The following MCF2L variants were observed in gnomAD, a reference collection of about 807,000 sequenced individuals.
MCF2L encodes MCF.2 cell line derived transforming sequence like, also known as guanine nucleotide exchange factor DBS.
A neutral mutation model predicts 153.4 loss-of-function variants in MCF2L; 97 were observed. The ratio of observed to expected loss-of-function variants is 0.63; its 90% CI spans 0.54 to 0.75. The LOEUF (loss-of-function observed/expected upper bound fraction) is 0.75. Among genes scored for constraint, MCF2L ranks in the 30% least tolerant of loss-of-function variants. The probability of loss-of-function intolerance (pLI) is 0.00; values close to 1 mark genes in which losing one functional copy is unlikely to be tolerated. For synonymous variants in MCF2L, 659 were observed against 632.2 expected, an observed-to-expected ratio of 1.04 and a Z score of -0.64; for missense variants, 1,347 against 1,495.2, an observed-to-expected ratio of 0.90 and a Z score of 1.64.
At chr13:113,084,850 C>CCGTCCCT (rs753454895) in intron 18 of MCF2L, 42 bp from the exon 19 acceptor site, 1 of 1,471,940 alleles carries the variant, frequency 6.8e-7, no homozygotes. Context: ...GATGCGCTGC[C>CCGTCCCT]CATCCCTCAC....
At chr13:113,033,230 G>A (rs112644617) in intron 3 of MCF2L, among the ~76,000 whole-genome samples, 27 of 98,170 alleles carry the variant, frequency 2.8e-4, no homozygotes, top group South Asian at 3.5e-4. Flanking sequence ...AGTGGCCCCC[G>A]TGACGTGAGT....
intron 1 of MCF2L, among the ~76,000 whole-genome samples, chr13:113,007,354 G>A (rs1225671065): frequency 6.6e-6 from 1 of 152,238 alleles, no homozygotes; most frequent in Non-Finnish European, 1.5e-5. Context: ...CTCAGACAGT[G>A]TGACCTTGAG....
chr13:113,000,379 G>A (rs936654898), intron 1 of MCF2L, among the ~76,000 whole-genome samples: 1 of 152,146 alleles, frequency 6.6e-6, no homozygotes, highest in Non-Finnish European at 1.5e-5. Context: ...TTGCAGAAGC[G>A]ACATTCCTGC....
upstream of MCF2L, chr13:112,965,311 C>T (rs1172536821): frequency 6.6e-6 from 1 of 152,266 alleles, no homozygotes; most frequent in Non-Finnish European, 1.5e-5. Flanking sequence ...CCCGTCACCA[C>T]ATGGAGGCTG....
chr13:113,036,160 C>T (rs972145320), intron 3 of MCF2L, among the ~76,000 whole-genome samples: 1 of 152,154 alleles, frequency 6.6e-6, no homozygotes, highest in Non-Finnish European at 1.5e-5. Flanking sequence ...TCCCACAGAC[C>T]GCAGCCTGAT....
In MCF2L at chr13:113,030,247, G is replaced by C. The variant is rs147090057; in HGVS notation, c.278+5489G>C. On this transcript the variant is annotated intron_variant, in intron 3 of 29. Transcript: ENST00000535094. ...TGTGGACTCTCAGGTGTCCGCTGAC[G>C]CAGGTGTGGACCCTCGGGTGTCCAC... Among the ~76,000 whole-genome samples, 17 of 151,688 alleles carry C rather than the reference G, an allele frequency of 1.1e-4. No homozygotes were observed. The East Asian group carries it at 1.6e-3, about 14-fold the overall frequency.
rs552445912 is a variant in MCF2L, at chr13:113,024,972, T to G, written c.278+214T>G. On this transcript the variant is annotated intron_variant, in intron 3 of 29. Coordinates refer to ENST00000535094, the MANE Select transcript of MCF2L (RefSeq NM_001112732.3). ...ACTGTGGGTCAGGGCAGAGTCTCTGTGAGGTTTCATCATGGTGGGGTCCCC... is the reference window on the plus strand; with the variant it reads ...ACTGTGGGTCAGGGCAGAGTCTCTGGGAGGTTTCATCATGGTGGGGTCCCC... 2.2e-3 allele frequency: 1,011 copies of G among 450,758 alleles called. 51 individuals are homozygous for G. The highest frequency in any genetic ancestry group is 0.021 in the African/African-American group (934 of 44,208). 27.9% of individuals were successfully genotyped at this position (450,758 alleles called of 1,614,324 possible).
At chr13:112,986,331 TCACCCGTTCTG>T (rs1428410056) in intron 1 of MCF2L, among the ~76,000 whole-genome samples, 6 of 152,364 alleles carry the variant, frequency 3.9e-5, no homozygotes, top group African/African-American at 7.2e-5. Flanking sequence ...TCTTCTGAAC[TCACCCGTTCTG>T]CAGATGAGGA....
chr13:112,978,659 A>G (rs2082295510), intron 1 of MCF2L, among the ~76,000 whole-genome samples: 1 of 152,152 alleles, frequency 6.6e-6, no homozygotes, highest in Non-Finnish European at 1.5e-5. Context: ...CTCAGTAAAC[A>G]ATGTTGAATA....
At chr13:113,065,368 G>C (rs760564479) in intron 7 of MCF2L, 1 of 457,280 alleles carries the variant, frequency 2.2e-6, no homozygotes, top group Non-Finnish European at 3.9e-6. Flanking sequence ...CTGGGTGGCC[G>C]TGGCTTCAGG....
At chr13:113,018,762 C>A (rs1419615412) in intron 2 of MCF2L, among the ~76,000 whole-genome samples, 1 of 152,260 alleles carries the variant, frequency 6.6e-6, no homozygotes, top group African/African-American at 2.4e-5. Context: ...CCGGTGAAAA[C>A]CACAAAGCTG....
chr13:113,062,979 G>A (rs555371678), intron 5 of MCF2L, among the ~76,000 whole-genome samples: 5 of 152,324 alleles, frequency 3.3e-5, no homozygotes, highest in African/African-American at 9.6e-5. Context: ...CAATGACCGC[G>A]GGGTATTTTC....
intron 1 of MCF2L, among the ~76,000 whole-genome samples, chr13:112,981,404 T>C (rs1420647581): frequency 6.6e-6 from 1 of 152,184 alleles, no homozygotes; most frequent in Non-Finnish European, 1.5e-5. Context: ...CGCTGTGAGT[T>C]CTGCGGTGCT....
intron 1 of MCF2L, among the ~76,000 whole-genome samples, chr13:112,991,437 G>A (rs376342039): frequency 6.6e-5 from 10 of 152,038 alleles, no homozygotes; most frequent in African/African-American, 2.4e-4. Context: ...ACTGTGTTTT[G>A]GGGGGTGTCT....
intron 1 of MCF2L, among the ~76,000 whole-genome samples, chr13:112,901,714 A>G (rs144286223): frequency 1.3e-5 from 2 of 152,224 alleles, no homozygotes; most frequent in Non-Finnish European, 2.9e-5. Flanking sequence ...TCAGTGAGGA[A>G]TTATGCTTTA....
At chr13:112,987,781 A>C (rs753771007) in intron 1 of MCF2L, among the ~76,000 whole-genome samples, 57 of 152,344 alleles carry the variant, frequency 3.7e-4, no homozygotes, top group Non-Finnish European at 6.5e-4. Flanking sequence ...GAAGTCTGGC[A>C]GGGGTGTGGG....
chr13:113,076,271 A>ATT (rs11367219), intron 12 of MCF2L, 114 bp downstream of exon 12: 165 of 722,044 alleles, frequency 2.3e-4, no homozygotes, highest in African/African-American at 2.2e-3. Flanking sequence ...ATTTATTATT[A>ATT]TTTTTTTTTT....
Position 113,014,845 on chromosome 13 carries a change from C to T in MCF2L, c.162C>T (p.Ser54=), listed in dbSNP as rs149468042. 548 of 1,612,896 alleles carry T rather than the reference C, an allele frequency of 3.4e-4. 5 individuals are homozygous for T. The African/African-American group carries it at 5.0e-3, about 15-fold the overall frequency. The change falls in exon 2 of 30, where the codon TCC becomes TCT. Residue 54 remains serine (S), a splice_region_variant and synonymous_variant. Transcript: ENST00000535094. The part of the protein sequence containing the change: ...DQLKKRFAYL[S]GGRGQDGSPV... The stretch of plus-strand genomic sequence containing the variant: ...TAAAGAAGCGCTTTGCTTACCTGTC[C>T]GGTGAGTTCCAGAAGCTGGGATGGG...
At chr13:113,078,979 A>G (rs1467700683) in intron 15 of MCF2L, among the ~76,000 whole-genome samples, 1 of 152,214 alleles carries the variant, frequency 6.6e-6, no homozygotes, top group Non-Finnish European at 1.5e-5. Context: ...TTCAGGAGGG[A>G]AGAGAGGGCG....
Sources: gnomAD v4.1 joint callset for allele counts (sites outside exome capture counted in the v4.1 genomes callset) on GRCh38, gnomAD v4.1.1 for gene constraint, MANE v1.5 for transcripts, NCBI Gene and HGNC (gene_info 2026-07-23, HGNC 2026-07-21) for gene names.